The following CRIPT variants were observed in gnomAD, a reference collection of about 807,000 sequenced individuals.
CRIPT encodes CXXC repeat containing interactor of PDZ3 domain, also known as cysteine-rich PDZ-binding protein.
In CRIPT, 20 loss-of-function variants were observed where a neutral mutation model predicts 16.6. The observed-to-expected ratio is 1.20, with a 90% confidence interval of 0.85 to 1.75. The LOEUF is 1.75. Ranked by LOEUF, CRIPT falls within the 40% of genes most tolerant of loss-of-function variation. CRIPT has a pLI of 0.00. For missense variants in CRIPT, 133 were observed against 115.3 expected, an observed-to-expected ratio of 1.15 and a Z score of -0.70; for synonymous variants, 42 against 37.0, an observed-to-expected ratio of 1.14 and a Z score of -0.49.
intron 3 of CRIPT, 46 bp downstream of exon 3, chr2:46,619,727 T>C (rs1670758635): frequency 2.8e-6 from 4 of 1,429,382 alleles, no homozygotes; most frequent in Non-Finnish European, 3.9e-6. Flanking sequence ...TTCCTTCTTT[T>C]AGTATTAAGT....
rs1276891082 is a variant in CRIPT, at chr2:46,628,085, C to A, written c.*3858C>A. Among the ~76,000 whole-genome samples, 1 of 150,772 alleles carries A rather than the reference C, an allele frequency of 6.6e-6. No individual in the cohort carries two copies. Among genetic ancestry groups the A allele is most frequent in the Admixed American group, 6.6e-5 (1 of 15,106 alleles). ...TTTGCTTAGGATTGATTTTTTGGTT[C>A]CATATGAATTTTAGAATGGATTTTT... On this transcript the variant is annotated 3_prime_UTR_variant, in exon 5 of 5. Coordinates refer to ENST00000238892, the MANE Select transcript of CRIPT (RefSeq NM_014171.6).
rs1195865967 is a variant in CRIPT, at chr2:46,617,215, G to A, written c.-68G>A. 17 of 1,548,090 alleles carry A rather than the reference G, an allele frequency of 1.1e-5. No individual in the cohort carries two copies. The highest frequency in any genetic ancestry group is 2.7e-5 in the African/African-American group (2 of 73,036). On this transcript the variant is annotated 5_prime_UTR_variant, in exon 1 of 5. Coordinates refer to ENST00000238892, the MANE Select transcript of CRIPT (RefSeq NM_014171.6). ...CCCGGAAGGGGAATACTTCCAAGTTGTAGTGTTGTTGTTTTCAGCCTGCTG... is the reference window on the plus strand; with the variant it reads ...CCCGGAAGGGGAATACTTCCAAGTTATAGTGTTGTTGTTTTCAGCCTGCTG...
rs1299585841 is a variant in CRIPT at position 46,627,417 on chromosome 2, T to C, written c.*3190T>C. The stretch of plus-strand genomic sequence containing the variant: ...CGTAGGTTTTCTTCTAGGACTCTTA[T>C]AGCTTGAAGTCTTACATTTAAATCT... On this transcript the variant is annotated 3_prime_UTR_variant, in exon 5 of 5. Transcript: ENST00000238892. Among the ~76,000 whole-genome samples the C allele has an allele frequency of 2.6e-5, 4 of 152,174 alleles. No homozygotes were observed. In the East Asian group the frequency reaches 5.8e-4, roughly 22 times the overall value.
At chr2:46,621,310 CTT>C (rs1434866676) in intron 3 of CRIPT, among the ~76,000 whole-genome samples, 1 of 152,158 alleles carries the variant, frequency 6.6e-6, no homozygotes, top group Non-Finnish European at 1.5e-5. Flanking sequence ...CATATGCTGT[CTT>C]TATTAGTTCT....
chr2:46,620,681 A>G (rs942529160), intron 3 of CRIPT, among the ~76,000 whole-genome samples: 1 of 116,632 alleles, frequency 8.6e-6, no homozygotes, highest in African/African-American at 3.6e-5. Flanking sequence ...AATTCAAGCT[A>G]TATGTTATAT....
rs568455647 is a variant in CRIPT at position 46,626,926 on chromosome 2, G to C, written c.*2699G>C. ...CAGCTCACTGCAACCTCCACCTCCCGGGTTCAAGCGATTCTCCTGCCCCAG... is the reference window on the plus strand; with the variant it reads ...CAGCTCACTGCAACCTCCACCTCCCCGGTTCAAGCGATTCTCCTGCCCCAG... On this transcript the variant is annotated 3_prime_UTR_variant, in exon 5 of 5. Transcript: ENST00000238892. Among the ~76,000 whole-genome samples the C allele has an allele frequency of 6.6e-6, 1 of 151,914 alleles. No individual in the cohort carries two copies. The highest frequency in any genetic ancestry group is 1.9e-4 in the East Asian group (1 of 5,168).
rs75887308 is a variant in CRIPT, at chr2:46,621,011, C to T, written c.137+1330C>T. 7.2e-3 allele frequency among the ~76,000 whole-genome samples: 1,101 copies of T among 152,226 alleles called. 12 individuals are homozygous for T. The highest frequency in any genetic ancestry group is 0.024 in the African/African-American group (994 of 41,530). The stretch of plus-strand genomic sequence containing the variant: ...AAACGTAAAATGTAACCTGAAACCA[C>T]CTGCTTCTGTACATCTCACTGCTAT... On this transcript the variant is annotated intron_variant, in intron 3 of 4. Transcript: ENST00000238892.
chr2:46,618,839 G>C lies in CRIPT; in HGVS notation c.82+1G>C. 1 of 1,580,702 alleles carries C rather than the reference G, an allele frequency of 6.3e-7. No individual in the cohort carries two copies. The highest frequency in any genetic ancestry group is 1.1e-5 in the South Asian group (1 of 87,876). On this transcript the variant is annotated splice_donor_variant, in intron 2 of 4. Transcript: ENST00000238892. LOFTEE classifies it high-confidence loss of function. ...AAAGATGGTGCTAGGAATACCACAG[G>C]TATTTCTTCTTTTAGAAAATAGGAA...
At chr2:46,618,076 A>G (rs1433060810) in intron 1 of CRIPT, among the ~76,000 whole-genome samples, 1 of 150,606 alleles carries the variant, frequency 6.6e-6, no homozygotes, top group Non-Finnish European at 1.5e-5. Context: ...CTATTGCCAC[A>G]TATCCAAATC....
rs979131143 is a variant in CRIPT at position 46,627,692 on chromosome 2, A to G, written c.*3465A>G. On this transcript the variant is annotated 3_prime_UTR_variant, in exon 5 of 5. Coordinates refer to ENST00000238892, the MANE Select transcript of CRIPT (RefSeq NM_014171.6). Reference sequence around the variant, plus strand: ...ATTCCGAGCCTCAAGTGATCCACCCACCTCAGTCTCCCAAAGTGCTGGGAT... The same window carrying G: ...ATTCCGAGCCTCAAGTGATCCACCCGCCTCAGTCTCCCAAAGTGCTGGGAT... 6.6e-6 allele frequency among the ~76,000 whole-genome samples: 1 copy of G among 151,820 alleles called. No homozygotes were observed. The highest frequency in any genetic ancestry group is 6.6e-5 in the Admixed American group (1 of 15,230).
In CRIPT at chr2:46,627,674, G is replaced by T. The variant is rs1027904098; in HGVS notation, c.*3447G>T. Among the ~76,000 whole-genome samples the T allele has an allele frequency of 3.3e-5, 5 of 151,814 alleles. No homozygotes were observed. The East Asian group carries it at 9.7e-4, about 29-fold the overall frequency. On this transcript the variant is annotated 3_prime_UTR_variant, in exon 5 of 5. Coordinates refer to ENST00000238892, the MANE Select transcript of CRIPT (RefSeq NM_014171.6). ...TGGCCAGGCTGGTCTTGAATTCCGAGCCTCAAGTGATCCACCCACCTCAGT... is the reference window on the plus strand; with the variant it reads ...TGGCCAGGCTGGTCTTGAATTCCGATCCTCAAGTGATCCACCCACCTCAGT...
intron 3 of CRIPT, 135 bp from the exon 4 acceptor site, chr2:46,623,629 G>A: frequency 1.8e-6 from 1 of 568,822 alleles, no homozygotes; most frequent in Non-Finnish European, 3.2e-6. Flanking sequence ...ATCTGGAATA[G>A]GCTAAACCCA....
At position 46,627,526 on chromosome 2, in the gene CRIPT, C is replaced by G. The variant is rs1399971765; in HGVS notation, c.*3299C>G. On this transcript the variant is annotated 3_prime_UTR_variant, in exon 5 of 5. Transcript: ENST00000238892. ...TGGTACAATCTTGGCTCACCACAACCTCCACCTCCCAGGCTCAAGCGATTC... is the reference window on the plus strand; with the variant it reads ...TGGTACAATCTTGGCTCACCACAACGTCCACCTCCCAGGCTCAAGCGATTC... 3.3e-5 allele frequency among the ~76,000 whole-genome samples: 5 copies of G among 151,946 alleles called. No homozygotes were observed. Among genetic ancestry groups the G allele is most frequent in the Non-Finnish European group, 7.4e-5 (5 of 68,006 alleles).
At chr2:46,623,615 A>G in intron 3 of CRIPT, 149 bp from the exon 4 acceptor site, 2 of 504,134 alleles carry the variant, frequency 4.0e-6, no homozygotes, top group Admixed American at 3.6e-5. Context: ...ATCAGACAGT[A>G]GCCATCTGGA....
chr2:46,619,372 A>G (rs1417933199), intron 2 of CRIPT, among the ~76,000 whole-genome samples: 2 of 151,870 alleles, frequency 1.3e-5, no homozygotes, highest in Non-Finnish European at 2.9e-5. Flanking sequence ...TTTATGCTAT[A>G]TAGAGTAAAT....
intron 3 of CRIPT, among the ~76,000 whole-genome samples, chr2:46,622,276 A>T (rs556511802): frequency 6.6e-6 from 1 of 151,930 alleles, no homozygotes; most frequent in East Asian, 2.0e-4. Context: ...AGGCTGAGGC[A>T]GGAGAATGGC....
chr2:46,621,476 T>A (rs1670802977), intron 3 of CRIPT, among the ~76,000 whole-genome samples: 1 of 152,222 alleles, frequency 6.6e-6, no homozygotes, highest in Admixed American at 6.5e-5. Context: ...CTTCTTTCCT[T>A]TTCCTCATCT....
chr2:46,627,361 C>G lies in CRIPT; in HGVS notation c.*3134C>G, dbSNP rs905611179. 2.0e-5 allele frequency among the ~76,000 whole-genome samples: 3 copies of G among 151,686 alleles called. No homozygotes were observed. The East Asian group carries it at 5.8e-4, about 29-fold the overall frequency. On this transcript the variant is annotated 3_prime_UTR_variant, in exon 5 of 5. Transcript: ENST00000238892. ...GCTTTTGAGGACTTAGCCGTAAGTT[C>G]TTTCCCATAGCTGATGTCCAGATGT...
chr2:46,621,631 A>G (rs183502942), intron 3 of CRIPT, among the ~76,000 whole-genome samples: 2 of 152,324 alleles, frequency 1.3e-5, no homozygotes, highest in East Asian at 3.9e-4. Context: ...TTTGCCTATC[A>G]TGTTCATCTT....
Sources: gnomAD v4.1 joint callset for allele counts (sites outside exome capture counted in the v4.1 genomes callset) on GRCh38, gnomAD v4.1.1 for gene constraint, MANE v1.5 for transcripts, NCBI Gene and HGNC (gene_info 2026-07-23, HGNC 2026-07-21) for gene names.